Variants in RYR3 observed in about 807,000 individuals in gnomAD.
The protein encoded by RYR3 is brain ryanodine receptor-calcium release channel.
In RYR3, 207 loss-of-function variants were observed where a neutral mutation model predicts 584.3. That is an observed-to-expected ratio of 0.35 (90% CI 0.32 to 0.40). The LOEUF is 0.40. Ranked by LOEUF, RYR3 falls within the 10% of genes least tolerant of loss-of-function variation. The pLI is 1.00. For missense variants in RYR3, 5,616 were observed against 6,089.2 expected, an observed-to-expected ratio of 0.92 and a Z score of 2.59; for synonymous variants, 2,416 against 2,248.5, an observed-to-expected ratio of 1.07 and a Z score of -2.11.
Position 33,785,788 on chromosome 15 carries a change from A to T in RYR3, c.9395A>T (p.Glu3132Val). The change falls in exon 66 of 104, where the codon GAG becomes GTG. Residue 3132 changes from glutamate (E) to valine (V), a missense_variant. By Grantham distance (121) the Glu-to-Val change is moderately radical. Coordinates refer to ENST00000634891, the MANE Select transcript of RYR3 (RefSeq NM_001036.6). ...TACACAGAGATGCCCCATGTCATCG[A>T]GGTGATCTTACCCATGCTCTGCAAC... The part of the protein sequence containing the change: ...ARYTEMPHVI[E>V]VILPMLCNYL... The T allele has an allele frequency of 2.4e-5, 38 of 1,613,970 alleles. No individual in the cohort carries two copies. The highest frequency in any genetic ancestry group is 3.1e-5 in the Non-Finnish European group (36 of 1,179,874).
intron 1 of RYR3, among the ~76,000 whole-genome samples, chr15:33,386,732 A>G (rs944140764): frequency 1.3e-5 from 2 of 152,074 alleles, no homozygotes; most frequent in Non-Finnish European, 2.9e-5. Flanking sequence ...TTCTGTTTCT[A>G]TGCATTTGAT....
chr15:33,623,216 C>T (rs949988882), intron 19 of RYR3, among the ~76,000 whole-genome samples: 5 of 152,234 alleles, frequency 3.3e-5, no homozygotes, highest in African/African-American at 1.2e-4. Context: ...CAGCCGCCCC[C>T]ATATGGCTGC....
chr15:33,859,536 G>C, intron 99 of RYR3, 39 bp from the exon 100 acceptor site: 2 of 1,611,212 alleles, frequency 1.2e-6, no homozygotes, highest in Non-Finnish European at 1.7e-6. Flanking sequence ...AAACAGAACT[G>C]TGACTTTTGC....
intron 16 of RYR3, among the ~76,000 whole-genome samples, chr15:33,587,531 G>C (rs551548374): frequency 5.3e-5 from 8 of 152,322 alleles, no homozygotes; most frequent in South Asian, 4.1e-4. Context: ...CCATTCCACA[G>C]TTGAGAAAAC....
intron 47 of RYR3, 101 bp downstream of exon 47, chr15:33,729,127 T>C (rs2068717681): frequency 1.1e-6 from 1 of 930,860 alleles, no homozygotes; most frequent in African/African-American, 1.7e-5. Flanking sequence ...CCAATTACAT[T>C]TTAATAGCTT....
intron 11 of RYR3, 109 bp downstream of exon 11, chr15:33,563,119 C>G: frequency 1.1e-6 from 1 of 898,330 alleles, no homozygotes; most frequent in Non-Finnish European, 1.7e-6. Flanking sequence ...TTACTTCTTA[C>G]TATTCAGAAG....
At chr15:33,409,358 A>G (rs768667096) in intron 1 of RYR3, among the ~76,000 whole-genome samples, 2 of 151,618 alleles carry the variant, frequency 1.3e-5, no homozygotes, top group Non-Finnish European at 2.9e-5. Context: ...AAAAAAAAAA[A>G]AAAGAAAAAA....
Position 33,838,622 on chromosome 15 carries a change from G to A in RYR3, c.12642G>A (p.Val4214=), listed in dbSNP as rs1201772266. 12 of 1,613,824 alleles carry A rather than the reference G, an allele frequency of 7.4e-6. No homozygotes were observed. The highest frequency in any genetic ancestry group is 3.3e-5 in the Admixed American group (2 of 59,994). ...TCTTTCAGATCCTCTGGAGCACAGT[G>A]TTTGGAGGGGGCCTGGTAGAAGGGG... ...GGIFQILWST[V]FGGGLVEGAK... The change falls in exon 89 of 104, where the codon GTG becomes GTA. Residue 4214 remains valine, a synonymous_variant. Transcript: ENST00000634891.
chr15:33,408,646 G>A (rs1159384659), intron 1 of RYR3, among the ~76,000 whole-genome samples: 1 of 152,104 alleles, frequency 6.6e-6, no homozygotes, highest in East Asian at 1.9e-4. Flanking sequence ...TTTCTCCTCA[G>A]CCTCACTAGC....
intron 1 of RYR3, among the ~76,000 whole-genome samples, chr15:33,428,998 C>A (rs374506012): frequency 7.9e-5 from 12 of 152,266 alleles, no homozygotes; most frequent in East Asian, 5.8e-4. Context: ...CTACAGGAAC[C>A]TAGTTAAGTT....
chr15:33,531,202 A>G (rs2054835178), intron 4 of RYR3, among the ~76,000 whole-genome samples: 1 of 152,210 alleles, frequency 6.6e-6, no homozygotes, highest in Non-Finnish European at 1.5e-5. Flanking sequence ...GACAAGAGGC[A>G]AGGTAGTCAC....
intron 17 of RYR3, 124 bp from the exon 18 acceptor site, chr15:33,602,999 A>G: frequency 3.0e-6 from 3 of 997,628 alleles, no homozygotes; most frequent in African/African-American, 1.6e-5. Context: ...TTTGAGCAAT[A>G]TGAAATACAC....
At chr15:33,699,465 T>C (rs1036545364) in intron 40 of RYR3, among the ~76,000 whole-genome samples, 3 of 152,126 alleles carry the variant, frequency 2.0e-5, no homozygotes, top group Non-Finnish European at 4.4e-5. Flanking sequence ...TAGAAGGTCA[T>C]GCAATTTCAC....
chr15:33,660,497 A>T, intron 34 of RYR3, 74 bp downstream of exon 34: 1 of 1,007,084 alleles, frequency 9.9e-7, no homozygotes, highest in Non-Finnish European at 1.4e-6. Flanking sequence ...GCCCAGAAGG[A>T]AACCAGGAGC....
intron 66 of RYR3, among the ~76,000 whole-genome samples, chr15:33,786,603 A>G (rs542726646): frequency 5.3e-5 from 8 of 152,310 alleles, no homozygotes; most frequent in Admixed American, 2.0e-4. Flanking sequence ...TGGAAAATCA[A>G]TAACTATACT....
intron 76 of RYR3, 60 bp from the exon 77 acceptor site, chr15:33,819,691 TAAATA>T (rs1417628437): frequency 3.9e-5 from 13 of 332,226 alleles, no homozygotes; most frequent in Non-Finnish European, 5.5e-5. Context: ...AATAAATAAA[TAAATA>T]AATAAATAAA....
chr15:33,750,349 G>A (rs1029983193), intron 57 of RYR3, 63 bp downstream of exon 57: 57 of 1,549,686 alleles, frequency 3.7e-5, no homozygotes, highest in Non-Finnish European at 4.5e-5. Flanking sequence ...ATTTAATTAC[G>A]TGCCTACAAA....
chr15:33,837,564 C>G, intron 88 of RYR3, 67 bp from the exon 89 acceptor site: 1 of 1,463,986 alleles, frequency 6.8e-7, no homozygotes, highest in South Asian at 1.5e-5. Context: ...AAATAGCTAC[C>G]TGACAAGTGA....
At chr15:33,422,897 A>G (rs1216298645) in intron 1 of RYR3, among the ~76,000 whole-genome samples, 1 of 152,220 alleles carries the variant, frequency 6.6e-6, no homozygotes, top group Non-Finnish European at 1.5e-5. Flanking sequence ...ACATAGACCT[A>G]AAGACAAGAC....
Sources: allele counts gnomAD v4.1 joint callset (sites outside exome capture counted in the v4.1 genomes callset), GRCh38; gene constraint gnomAD v4.1.1; transcripts MANE v1.5; gene names NCBI Gene and HGNC (gene_info 2026-07-23, HGNC 2026-07-21).